Variants in OSBPL6 observed in about 807,000 individuals in gnomAD.
The protein encoded by OSBPL6 is oxysterol-binding protein-related protein 6.
A neutral mutation model predicts 125.8 loss-of-function variants in OSBPL6; 49 were observed. That is an observed-to-expected ratio of 0.39 (90% CI 0.31 to 0.49). OSBPL6 has a LOEUF of 0.49. OSBPL6 is among the 20% of genes least tolerant of loss of function. OSBPL6 has a pLI of 0.88. For missense variants in OSBPL6, 986 were observed against 1,135.4 expected (o/e 0.87, Z 1.89); for synonymous variants, 394 against 391.8 (o/e 1.01, Z -0.07).
At chr2:178,219,007 C>A (rs2090222750) in intron 1 of OSBPL6, among the ~76,000 whole-genome samples, 1 of 152,028 alleles carries the variant, frequency 6.6e-6, no homozygotes, top group African/African-American at 2.4e-5. Flanking sequence ...CTCTCCACTC[C>A]TGACTCTTCT....
chr2:178,241,183 T>A (rs940692555), intron 1 of OSBPL6, among the ~76,000 whole-genome samples: 13 of 151,854 alleles, frequency 8.6e-5, no homozygotes, highest in Non-Finnish European at 1.6e-4. Flanking sequence ...ACAGATATTT[T>A]TTTTTTTTTT....
intron 1 of OSBPL6, among the ~76,000 whole-genome samples, chr2:178,282,289 A>G (rs1684274265): frequency 6.6e-6 from 1 of 151,778 alleles, no homozygotes; most frequent in African/African-American, 2.4e-5. Flanking sequence ...ATGTGATGCG[A>G]TGGGAGAGGG....
At chr2:178,220,279 C>T (rs918220469) in intron 1 of OSBPL6, among the ~76,000 whole-genome samples, 10 of 152,020 alleles carry the variant, frequency 6.6e-5, no homozygotes, top group African/African-American at 2.2e-4. Flanking sequence ...AAAAAATGAA[C>T]AATCTCCTTC....
chr2:178,357,449 A>G (rs894005153), intron 12 of OSBPL6, among the ~76,000 whole-genome samples: 1 of 152,250 alleles, frequency 6.6e-6, no homozygotes, highest in African/African-American at 2.4e-5. Flanking sequence ...TTCTCAAAAG[A>G]AGACATTTAT....
At chr2:178,332,554 A>T in intron 6 of OSBPL6, 87 bp from the exon 7 acceptor site, 1 of 941,822 alleles carries the variant, frequency 1.1e-6, no homozygotes, top group Non-Finnish European at 1.7e-6. Context: ...TAGATAAGTT[A>T]AAGATTACTT....
chr2:178,207,497 T>G (rs1241808931), intron 1 of OSBPL6, among the ~76,000 whole-genome samples: 3 of 152,204 alleles, frequency 2.0e-5, no homozygotes, highest in Admixed American at 2.0e-4. Context: ...CCATATAAGG[T>G]AATATCTACA....
intron 20 of OSBPL6, among the ~76,000 whole-genome samples, chr2:178,388,351 G>C (rs1181327641): frequency 6.6e-6 from 1 of 152,156 alleles, no homozygotes; most frequent in Non-Finnish European, 1.5e-5. Flanking sequence ...TGCACACTCT[G>C]TGGTGCCTCC....
At chr2:178,297,131 AG>A (rs1294389116) in intron 2 of OSBPL6, among the ~76,000 whole-genome samples, 2 of 152,128 alleles carry the variant, frequency 1.3e-5, no homozygotes, top group African/African-American at 4.8e-5. Flanking sequence ...AGGCCCCTAT[AG>A]TACTGTTAGC....
intron 1 of OSBPL6, among the ~76,000 whole-genome samples, chr2:178,251,754 C>T (rs142738252): frequency 1.2e-3 from 185 of 152,278 alleles, no homozygotes; most frequent in African/African-American, 4.3e-3. Flanking sequence ...TGACAGTTAC[C>T]TCATAGGCAC....
intron 9 of OSBPL6, 91 bp from the exon 10 acceptor site, chr2:178,338,900 T>C (rs987741903): frequency 7.5e-6 from 6 of 795,178 alleles, no homozygotes; most frequent in Middle Eastern, 2.3e-4. Context: ...TGCCTACTTA[T>C]ATTTGCCATA....
intron 1 of OSBPL6, among the ~76,000 whole-genome samples, chr2:178,221,525 G>A (rs1559130812): frequency 6.6e-6 from 1 of 152,176 alleles, no homozygotes; most frequent in African/African-American, 2.4e-5. Context: ...ATAATTATTT[G>A]ATCAGAAATC....
chr2:178,363,365 C>G (rs1692527117), intron 13 of OSBPL6, among the ~76,000 whole-genome samples: 1 of 152,138 alleles, frequency 6.6e-6, no homozygotes. Flanking sequence ...ATTCGGGTGA[C>G]TATATGCTAG....
At chr2:178,246,041 C>A (rs1349878754) in intron 1 of OSBPL6, among the ~76,000 whole-genome samples, 25 of 152,144 alleles carry the variant, frequency 1.6e-4, no homozygotes, top group Admixed American at 1.6e-3. Context: ...GTCCCTGGCC[C>A]TTTCCTCTCT....
intron 8 of OSBPL6, among the ~76,000 whole-genome samples, chr2:178,335,890 C>T (rs187178624): frequency 4.6e-5 from 7 of 152,276 alleles, no homozygotes; most frequent in Non-Finnish European, 8.8e-5. Context: ...TTAGGAATCA[C>T]ATGTGGTTGA....
chr2:178,347,630 T>A (rs1574934054), intron 11 of OSBPL6, among the ~76,000 whole-genome samples: 1 of 152,330 alleles, frequency 6.6e-6, no homozygotes. Flanking sequence ...TTGTTATTAT[T>A]AAGTTACCTG....
In OSBPL6 at chr2:178,400,748, T is replaced by C. The variant is rs1156724028; in HGVS notation, c.*5189T>C. 6.6e-6 allele frequency: 1 copy of C among 152,212 alleles called. No homozygotes were observed. The highest frequency in any genetic ancestry group is 2.4e-5 in the African/African-American group (1 of 41,456). 9.4% of individuals were successfully genotyped at this position (152,212 alleles called of 1,614,324 possible). A position where few individuals can be genotyped will look rare whatever the true frequency, so the allele number is the denominator to read the frequency against. The stretch of plus-strand genomic sequence containing the variant: ...AAAAGTTTCCCCTGCCCCTTTGTAA[T>C]CCTTCCCCATCCTCTATCCTGAGGC... On this transcript the variant is annotated 3_prime_UTR_variant, in exon 25 of 25. Transcript: ENST00000190611.
chr2:178,228,064 A>G (rs533798588), intron 1 of OSBPL6, among the ~76,000 whole-genome samples: 7 of 152,234 alleles, frequency 4.6e-5, no homozygotes, highest in Non-Finnish European at 8.8e-5. Context: ...GAAAAGAAAG[A>G]GTAGCACAGT....
chr2:178,339,706 G>C lies in OSBPL6; in HGVS notation c.929G>C (p.Arg310Pro), dbSNP rs199599125. ...GTAGATATTTCAAAGAAAGACAAGC[G>C]GGTCACAAGACGATGGAGAACAAAA... ...NCVDISKKDK[R>P]VTRRWRTKSV... Residue 310 changes from arginine (R) to proline (P), a missense_variant, in exon 11 of 25, where the codon CGG (arginine) becomes CCG (proline). Arg to Pro is a moderately radical substitution (Grantham distance 103). Around this residue, in one of 3 missense-constraint regions of OSBPL6, gnomAD observed 843 missense variants for 997.3 expected, o/e 0.85. Transcript: ENST00000190611. The C allele has an allele frequency of 3.9e-4, 632 of 1,604,588 alleles. No homozygotes were observed. The highest frequency in any genetic ancestry group is 5.1e-4 in the Non-Finnish European group (600 of 1,175,878).
chr2:178,301,477 T>C (rs1243807915), intron 2 of OSBPL6, among the ~76,000 whole-genome samples: 2 of 152,166 alleles, frequency 1.3e-5, no homozygotes, highest in African/African-American at 4.8e-5. Flanking sequence ...ATACTGCAGA[T>C]AGTGTGAATA....
Sources: gnomAD v4.1 joint callset for allele counts (sites outside exome capture counted in the v4.1 genomes callset) on GRCh38, gnomAD v4.1.1 for gene constraint, gnomAD v4.1.1 regional missense constraint, MANE v1.5 for transcripts, NCBI Gene and HGNC (gene_info 2026-07-23, HGNC 2026-07-21) for gene names.